Variants in TRPM8 observed in about 807,000 individuals in gnomAD.
TRPM8 encodes TRPM8 cationic channel.
A neutral mutation model predicts 133.7 loss-of-function variants in TRPM8; 110 were observed. The ratio of observed to expected loss-of-function variants is 0.82; its 90% CI spans 0.70 to 0.96. The LOEUF is 0.96. TRPM8 is among the 40% of genes least tolerant of loss of function. The probability of loss-of-function intolerance (pLI) is 0.00; values close to 1 mark genes in which losing one functional copy is unlikely to be tolerated. For synonymous variants in TRPM8, 535 were observed against 532.3 expected (o/e 1.01, Z -0.07); for missense variants, 1,291 against 1,379.5 (o/e 0.94, Z 1.02).
intron 11 of TRPM8, among the ~76,000 whole-genome samples, chr2:233,955,938 T>C (rs1345069039): frequency 6.6e-6 from 1 of 152,186 alleles, no homozygotes; most frequent in Non-Finnish European, 1.5e-5. Context: ...TTGTGGACTG[T>C]GCATGTGAGG....
At chr2:233,950,544 C>T (rs746311077) in intron 9 of TRPM8, among the ~76,000 whole-genome samples, 1 of 152,130 alleles carries the variant, frequency 6.6e-6, no homozygotes, top group African/African-American at 2.4e-5. Flanking sequence ...CAGAACATTG[C>T]GACTGCATAT....
In TRPM8 at chr2:233,985,742, T is replaced by C. The variant is rs746341990; in HGVS notation, c.2816T>C (p.Leu939Pro). ...CTFTGNESKP[L>P]CVELDEHNLP... ...TTCACTGGGAATGAGTCCAAGCCAC[T>C]GTGTGTGGAGCTGGATGAGCACAAC... Residue 939 changes from leucine (L) to proline (P), a missense_variant, in exon 21 of 26, where the codon CTG (leucine) becomes CCG (proline). Leu to Pro is a moderately conservative substitution (Grantham distance 98). Around this residue, in one of 2 missense-constraint regions of TRPM8, gnomAD observed 328 missense variants for 410.6 expected, o/e 0.80. Coordinates refer to ENST00000324695, the MANE Select transcript of TRPM8 (RefSeq NM_024080.5). 6.2e-7 allele frequency: 1 copy of C among 1,614,240 alleles called. No homozygotes were observed. Among genetic ancestry groups the C allele is most frequent in the South Asian group, 1.1e-5 (1 of 91,084 alleles).
rs777942830 is a variant in TRPM8, at chr2:233,996,415, A to G, written c.3029A>G (p.Asn1010Ser). ...GTGCAGGAGTACTGCAGCCGCCTCA[A>G]TATCCCCTTCCCCTTCATCGTCTTC... ...FLVQEYCSRL[N>S]IPFPFIVFAY... The change falls in exon 22 of 26, where the codon AAT becomes AGT. Residue 1010 changes from asparagine to serine, a missense_variant. Around this residue, in one of 2 missense-constraint regions of TRPM8, gnomAD observed 328 missense variants for 410.6 expected, o/e 0.80. Transcript: ENST00000324695. 2 of 1,614,182 alleles carry G rather than the reference A, an allele frequency of 1.2e-6. No individual in the cohort carries two copies. Among genetic ancestry groups the G allele is most frequent in the Non-Finnish European group, 1.7e-6 (2 of 1,180,030 alleles).
At chr2:233,919,879 G>A (rs778027968) in intron 1 of TRPM8, among the ~76,000 whole-genome samples, 5 of 152,110 alleles carry the variant, frequency 3.3e-5, no homozygotes, top group Non-Finnish European at 7.4e-5. Context: ...TGATATTGCC[G>A]CTTGAACATC....
intron 25 of TRPM8, among the ~76,000 whole-genome samples, chr2:234,015,053 A>T (rs1253641755): frequency 6.6e-6 from 1 of 152,212 alleles, no homozygotes; most frequent in Non-Finnish European, 1.5e-5. Flanking sequence ...GCACCCAAAG[A>T]TGTCTTATTC....
chr2:233,978,719 A>C (rs1431631234), intron 17 of TRPM8, among the ~76,000 whole-genome samples: 1 of 152,178 alleles, frequency 6.6e-6, no homozygotes, highest in East Asian at 1.9e-4. Flanking sequence ...TGCTGCAATA[A>C]ACATCCTATT....
At chr2:233,988,447 C>T (rs765605032) in intron 21 of TRPM8, among the ~76,000 whole-genome samples, 21 of 152,006 alleles carry the variant, frequency 1.4e-4, no homozygotes, top group Non-Finnish European at 2.2e-4. Context: ...AGATTGTGCC[C>T]GCCATCTCAG....
intron 14 of TRPM8, among the ~76,000 whole-genome samples, chr2:233,966,308 T>TGCCTGAGCCCA (rs1489278478): frequency 2.0e-5 from 3 of 152,138 alleles, no homozygotes; most frequent in Non-Finnish European, 2.9e-5. Flanking sequence ...GAGGCTCTTC[T>TGCCTGAGCCCA]GCCTGAGCCC....
chr2:233,972,931 G>A lies in TRPM8; in HGVS notation c.2355+2505G>A, dbSNP rs931770932. Among the ~76,000 whole-genome samples the A allele has an allele frequency of 4.6e-5, 7 of 152,240 alleles. No individual in the cohort carries two copies. The East Asian group carries it at 1.4e-3, about 29-fold the overall frequency. On this transcript the variant is annotated intron_variant, in intron 17 of 25. Coordinates refer to ENST00000324695, the MANE Select transcript of TRPM8 (RefSeq NM_024080.5). Reference sequence around the variant, plus strand: ...AGGGGCTCCCACAGTGCAGCGGTGGGCTGAAGGGCTCCTCAAGTGCCGCCA... The same window carrying A: ...AGGGGCTCCCACAGTGCAGCGGTGGACTGAAGGGCTCCTCAAGTGCCGCCA...
Position 233,928,055 on chromosome 2 carries a change from C to T in TRPM8, c.117+1401C>T, listed in dbSNP as rs1053742816. ...CGAGATCTCGGCTCACTGCAAACTCCACCTCCCAGGTTCATGCCATTCTCC... is the reference window on the plus strand; with the variant it reads ...CGAGATCTCGGCTCACTGCAAACTCTACCTCCCAGGTTCATGCCATTCTCC... On this transcript the variant is annotated intron_variant, in intron 2 of 25. Transcript: ENST00000324695. Among the ~76,000 whole-genome samples, 98 of 148,850 alleles carry T rather than the reference C, an allele frequency of 6.6e-4. 2 individuals are homozygous for T. The highest frequency in any genetic ancestry group is 6.5e-3 in the Admixed American group (96 of 14,880).
chr2:233,984,974 C>T (rs888965454), intron 20 of TRPM8, among the ~76,000 whole-genome samples: 4 of 151,938 alleles, frequency 2.6e-5, no homozygotes, highest in African/African-American at 9.7e-5. Context: ...GTCCCAGCTA[C>T]TCGGGAGGCT....
Position 233,980,226 on chromosome 2 carries a change from G to A in TRPM8, c.2394G>A (p.Trp798Ter). Residue 798 changes from tryptophan to a stop codon, truncating the protein, a stop_gained, in exon 18 of 26, where the codon TGG (tryptophan) becomes TGA (stop). Transcript: ENST00000324695. LOFTEE classifies it high-confidence loss of function. The stretch of plus-strand genomic sequence containing the variant: ...GGGTGAATTATTTTACTGACCTGTG[G>A]AATGTGATGGACACGCTGGGGCTTT... ...VNGVNYFTDL[W>*]NVMDTLGLFY... 6.2e-7 allele frequency: 1 copy of A among 1,605,050 alleles called. No homozygotes were observed. Among genetic ancestry groups the A allele is most frequent in the Non-Finnish European group, 8.5e-7 (1 of 1,176,780 alleles).
intron 19 of TRPM8, 109 bp from the exon 20 acceptor site, chr2:233,982,944 G>C (rs1692046065): frequency 8.1e-7 from 1 of 1,232,984 alleles, no homozygotes; most frequent in Non-Finnish European, 1.1e-6. Flanking sequence ...GATGCTCTGA[G>C]CCCTGGAACC....
intron 22 of TRPM8, among the ~76,000 whole-genome samples, chr2:233,998,652 G>A (rs927306948): frequency 3.3e-5 from 5 of 151,040 alleles, no homozygotes; most frequent in African/African-American, 9.8e-5. Flanking sequence ...AGGGTGAGCC[G>A]CCTGTGCCCA....
At chr2:233,978,220 TG>T (rs1691918619) in intron 17 of TRPM8, among the ~76,000 whole-genome samples, 4 of 151,954 alleles carry the variant, frequency 2.6e-5, no homozygotes, top group South Asian at 2.1e-4. Flanking sequence ...TGTGTGTGTG[TG>T]TGTGTGTGTG....
rs527426538 is a variant in TRPM8 at position 233,985,094 on chromosome 2, A to G, written c.2762-594A>G. ...GTGAGATTCTGTCTGAAAAAAAAAA[A>G]AAGATGTAAAAAATTAATATGTCTG... On this transcript the variant is annotated intron_variant, in intron 20 of 25. Transcript: ENST00000324695. 3.4e-4 allele frequency among the ~76,000 whole-genome samples: 51 copies of G among 151,662 alleles called. 1 individual carries two copies. In the South Asian group the frequency reaches 0.01, roughly 30 times the overall value.
chr2:233,939,027 G>A lies in TRPM8; in HGVS notation c.378G>A (p.Ala126=), dbSNP rs201051666. 120 of 1,614,164 alleles carry A rather than the reference G, an allele frequency of 7.4e-5. 2 individuals are homozygous for A. In the South Asian group the frequency reaches 7.8e-4, roughly 10 times the overall value. The stretch of plus-strand genomic sequence containing the variant: ...TACGTCTGTCCTGCGACACGGACGC[G>A]GAAATCCTTTACGAGCTGCTGACCC... ...KYIRLSCDTD[A]EILYELLTQH... Residue 126 remains alanine, a synonymous_variant, in exon 5 of 26, where the codon GCG becomes GCA. Coordinates refer to ENST00000324695, the MANE Select transcript of TRPM8 (RefSeq NM_024080.5).
intron 6 of TRPM8, among the ~76,000 whole-genome samples, chr2:233,943,307 G>A (rs1325584025): frequency 6.6e-6 from 1 of 151,694 alleles, no homozygotes. Context: ...TCCCCTTCCT[G>A]GGAACCAACC....
chr2:234,002,238 G>A (rs1456429026), intron 22 of TRPM8, among the ~76,000 whole-genome samples: 1 of 151,986 alleles, frequency 6.6e-6, no homozygotes, highest in Non-Finnish European at 1.5e-5. Context: ...AGAGGGAGGA[G>A]GGAGTTAAGA....
Sources: allele counts gnomAD v4.1 joint callset (sites outside exome capture counted in the v4.1 genomes callset), GRCh38; gene constraint gnomAD v4.1.1; regional missense constraint gnomAD v4.1.1; transcripts MANE v1.5; gene names NCBI Gene and HGNC (gene_info 2026-07-23, HGNC 2026-07-21).